The following MED23 variants were observed in gnomAD, a reference collection of about 807,000 sequenced individuals.
The protein encoded by MED23 is mediator of RNA polymerase II transcription subunit 23.
Under a neutral mutation model 163.9 loss-of-function variants are expected in MED23, and 105 were observed. The observed-to-expected ratio is 0.64, with a 90% CI of 0.55 to 0.75. The LOEUF (loss-of-function observed/expected upper bound fraction) is 0.75. Among genes scored for constraint, MED23 ranks in the 30% least tolerant of loss-of-function variants. The pLI is 0.00. For missense variants in MED23, 1,054 were observed against 1,649.0 expected, an observed-to-expected ratio of 0.64 and a Z score of 6.25; for synonymous variants, 561 against 565.6, an observed-to-expected ratio of 0.99 and a Z score of 0.12.
At chr6:131,610,835 A>G (rs192237421) in intron 10 of MED23, among the ~76,000 whole-genome samples, 1 of 152,182 alleles carries the variant, frequency 6.6e-6, no homozygotes, top group East Asian at 1.9e-4. Flanking sequence ...TTCTTCCACA[A>G]GAGGAAAAAA....
intron 18 of MED23, among the ~76,000 whole-genome samples, chr6:131,599,323 T>C (rs1775297074): frequency 6.6e-6 from 1 of 152,224 alleles, no homozygotes; most frequent in Non-Finnish European, 1.5e-5. Flanking sequence ...CCAGGAGTTA[T>C]GAAAAATGGA....
At chr6:131,612,916 G>A (rs1435728510) in intron 10 of MED23, among the ~76,000 whole-genome samples, 1 of 151,952 alleles carries the variant, frequency 6.6e-6, no homozygotes, top group Non-Finnish European at 1.5e-5. Context: ...TTCTCATAAT[G>A]CTTTTGCAGT....
chr6:131,624,515 T>C (rs1706601155), intron 4 of MED23, among the ~76,000 whole-genome samples: 1 of 152,176 alleles, frequency 6.6e-6, no homozygotes, highest in South Asian at 2.1e-4. Flanking sequence ...AAAAAGTGTC[T>C]CCTAAGCCGA....
Position 131,589,559 on chromosome 6 carries a change from T to TC in MED23, c.3844dup (p.Asp1282GlyfsTer4). The TC allele has an allele frequency of 6.2e-7, 1 of 1,613,932 alleles. No individual in the cohort carries two copies. Among genetic ancestry groups the TC allele is most frequent in the Non-Finnish European group, 8.5e-7 (1 of 1,179,848 alleles). ...GTAATTTAAATGGGTGCTACACTGG[T>TC]CAACATTCAGCAGCATGTCATAAAA... On this transcript the variant is annotated frameshift_variant, in exon 28 of 29. Coordinates refer to ENST00000368068, the MANE Select transcript of MED23 (RefSeq NM_004830.4). LOFTEE classifies it high-confidence loss of function.
In MED23 at chr6:131,609,279, G is replaced by A. The variant is rs148631958; in HGVS notation, c.1077+767C>T. 1.1e-3 allele frequency among the ~76,000 whole-genome samples: 173 copies of A among 152,260 alleles called. 1 individual carries two copies. The highest frequency in any genetic ancestry group is 2.1e-3 in the Non-Finnish European group (146 of 68,014). On this transcript the variant is annotated intron_variant, in intron 11 of 28. Transcript: ENST00000368068. The stretch of plus-strand genomic sequence containing the variant: ...TAGAACAGGCACATGGCCATTCAAA[G>A]TTCTCCATGTCTGCTCTTGCTTTCC...
At chr6:131,623,641 G>A (rs1777275662) in intron 4 of MED23, among the ~76,000 whole-genome samples, 179 bp from the exon 5 acceptor site, 3 of 152,150 alleles carry the variant, frequency 2.0e-5, no homozygotes, top group Admixed American at 2.0e-4. Flanking sequence ...CCCCAATACT[G>A]TTCTCATGAT....
chr6:131,618,843 T>G (rs1776882357), intron 8 of MED23, among the ~76,000 whole-genome samples: 1 of 152,240 alleles, frequency 6.6e-6, no homozygotes, highest in Non-Finnish European at 1.5e-5. Flanking sequence ...CCACTGCTTT[T>G]GCAGTCCAAT....
chr6:131,586,697 C>A, downstream of MED23: 1 of 1,349,554 alleles, frequency 7.4e-7, no homozygotes, highest in Non-Finnish European at 9.7e-7. Context: ...GCCAGCACAC[C>A]ACCTGGCACA....
chr6:131,600,357 T>C (rs1012171943), intron 17 of MED23, among the ~76,000 whole-genome samples, 195 bp from the exon 18 acceptor site: 1 of 152,212 alleles, frequency 6.6e-6, no homozygotes. Context: ...TTAGAAAATA[T>C]GAGAACAGTT....
chr6:131,579,156 C>G (rs763960889), intron 30 of MED23: 2 of 1,614,086 alleles, frequency 1.2e-6, no homozygotes, highest in Admixed American at 1.7e-5. Flanking sequence ...GCTGACATCC[C>G]TAATGACAGT....
At position 131,624,931 on chromosome 6, in the gene MED23, G is replaced by A; in HGVS notation, c.218C>T (p.Pro73Leu). The change falls in exon 4 of 29, where the codon CCT becomes CTT. Residue 73 changes from proline to leucine, a missense_variant. By Grantham distance (98) the Pro-to-Leu change is moderately conservative. Around this residue, in one of 11 missense-constraint regions of MED23, gnomAD observed 227 missense variants for 235.5 expected, o/e 0.96. Coordinates refer to ENST00000368068, the MANE Select transcript of MED23 (RefSeq NM_004830.4). ...GTCATAAAGAAAAGAAATTCTTTTA[G>A]GACTATGCTGACCATGAATAAACTT... ...IVKFIHGQHS[P>L]KRISFLYDCL... The A allele has an allele frequency of 6.2e-7, 1 of 1,613,636 alleles. No homozygotes were observed. The highest frequency in any genetic ancestry group is 1.1e-5 in the South Asian group (1 of 91,072).
chr6:131,596,084 G>A lies in MED23; in HGVS notation c.2858C>T (p.Pro953Leu), dbSNP rs1366040841. 6.2e-7 allele frequency: 1 copy of A among 1,614,056 alleles called. No individual in the cohort carries two copies. Among genetic ancestry groups the A allele is most frequent in the Non-Finnish European group, 8.5e-7 (1 of 1,179,998 alleles). The change falls in exon 22 of 29, where the codon CCC becomes CTC. Residue 953 changes from proline to leucine, a missense_variant. Transcript: ENST00000368068. The stretch of plus-strand genomic sequence containing the variant: ...AAGACACACATTCCCAAAATAGATG[G>A]GCAGATAGGGAGACTGGATCTGTAC... ...PPVQIQSPYL[P>L]IYFGNVCLRF...
chr6:131,606,721 T>G, intron 12 of MED23, 97 bp from the exon 13 acceptor site: 3 of 1,079,604 alleles, frequency 2.8e-6, no homozygotes, highest in Non-Finnish European at 4.1e-6. Context: ...ATAACTCTTT[T>G]TAGCATATCA....
intron 30 of MED23, chr6:131,581,366 A>G: frequency 6.2e-7 from 1 of 1,613,102 alleles, no homozygotes; most frequent in South Asian, 1.1e-5. Context: ...TCCTGAAGGA[A>G]CTAAAAGGAA....
chr6:131,627,848 T>C (rs531199963), intron 1 of MED23, among the ~76,000 whole-genome samples, 163 bp downstream of exon 1: 1 of 152,150 alleles, frequency 6.6e-6, no homozygotes, highest in Non-Finnish European at 1.5e-5. Context: ...TTGACAGCAG[T>C]TTGAGAATCA....
At chr6:131,599,040 A>G (rs1254120104) in intron 18 of MED23, among the ~76,000 whole-genome samples, 1 of 152,194 alleles carries the variant, frequency 6.6e-6, no homozygotes, top group Non-Finnish European at 1.5e-5. Flanking sequence ...GCCAATCTTA[A>G]AAAGAAAAAA....
Position 131,598,807 on chromosome 6 carries a change from A to G in MED23, c.2221-46T>C. ...TTATTTCATTGGTTATAGTAGAAAG[A>G]GCACTGGATATGGAGTTAATAAACC... On this transcript the variant is annotated intron_variant, in intron 18 of 28. Transcript: ENST00000368068. This position sits in a 1 kb window ranked among gnomAD's most constrained non-coding sequence, Gnocchi z 4.7. 3 of 1,554,096 alleles carry G rather than the reference A, an allele frequency of 1.9e-6. No individual in the cohort carries two copies. The highest frequency in any genetic ancestry group is 2.2e-5 in the South Asian group (2 of 89,710).
rs1774258210 is a variant in MED23, at chr6:131,587,552, A to G, written c.*127T>C. On this transcript the variant is annotated 3_prime_UTR_variant, in exon 29 of 29. Transcript: ENST00000368068. ...ACAGATTCATCATTTGAATCAAAAT[A>G]AAACAATCTGAATATCATCACTGCT... is the stretch of plus-strand genomic sequence containing the variant. 3 of 1,532,806 alleles carry G rather than the reference A, an allele frequency of 2.0e-6. No homozygotes were observed. The highest frequency in any genetic ancestry group is 2.6e-6 in the Non-Finnish European group (3 of 1,139,264). The allele number at this position is 1,532,806 out of a possible 1,614,324, so 95.0% of individuals were successfully genotyped here.
At chr6:131,611,827 A>G (rs564711143) in intron 10 of MED23, among the ~76,000 whole-genome samples, 37 of 152,282 alleles carry the variant, frequency 2.4e-4, no homozygotes, top group Middle Eastern at 3.4e-3. Context: ...TCTTCCATCA[A>G]TCTGCTTTAG....
Sources: gnomAD v4.1 joint callset for allele counts (sites outside exome capture counted in the v4.1 genomes callset) on GRCh38, gnomAD v4.1.1 for gene constraint, gnomAD v4.1.1 regional missense constraint, Gnocchi (gnomAD v3.1) non-coding constraint, MANE v1.5 for transcripts, NCBI Gene and HGNC (gene_info 2026-07-23, HGNC 2026-07-21) for gene names.